The following BAZ2B variants were observed in gnomAD, a reference collection of about 807,000 sequenced individuals.
BAZ2B encodes the protein bromodomain adjacent to zinc finger domain protein 2B.
Under a neutral mutation model 246.0 loss-of-function variants are expected in BAZ2B, and 91 were observed. The ratio of observed to expected loss-of-function variants is 0.37; its 90% confidence interval spans 0.31 to 0.44. The LOEUF (loss-of-function observed/expected upper bound fraction) is 0.44. Among genes scored for constraint, BAZ2B ranks in the 20% least tolerant of loss-of-function variants. BAZ2B has a pLI of 1.00. For missense variants in BAZ2B, 2,332 were observed against 2,533.7 expected, an observed-to-expected ratio of 0.92 and a Z score of 1.71; for synonymous variants, 855 against 860.0, an observed-to-expected ratio of 0.99 and a Z score of 0.10.
At position 159,404,997 on chromosome 2, in the gene BAZ2B, T is replaced by C. The variant is rs1212021662; in HGVS notation, c.2770+25A>G. 5 of 1,612,568 alleles carry C rather than the reference T, an allele frequency of 3.1e-6. No individual in the cohort carries two copies. The African/African-American group carries it at 6.7e-5, about 22-fold the overall frequency. ...AATTCCCCAGTACTGACTCTTCGAG[T>C]TTATGTTACATTTAAATCACTCACC... On this transcript the variant is annotated intron_variant, in intron 15 of 36. Coordinates refer to ENST00000392783, the MANE Select transcript of BAZ2B (RefSeq NM_013450.4).
intron 11 of BAZ2B, 74 bp downstream of exon 11, chr2:159,429,126 G>T: frequency 1.0e-6 from 1 of 988,782 alleles, no homozygotes; most frequent in Non-Finnish European, 1.4e-6. Flanking sequence ...TGTAGAGAAT[G>T]AGAAATCAAG....
chr2:159,412,335 C>T lies in BAZ2B; in HGVS notation c.2677G>A (p.Glu893Lys). The T allele has an allele frequency of 6.2e-7, 1 of 1,613,728 alleles. No homozygotes were observed. Among genetic ancestry groups the T allele is most frequent in the Non-Finnish European group, 8.5e-7 (1 of 1,179,742 alleles). Residue 893 changes from glutamate (E) to lysine (K), a missense_variant and splice_region_variant, in exon 14 of 37, where the codon GAA becomes AAA. Transcript: ENST00000392783. The part of the protein sequence containing the change: ...AKLLRKLQAQ[E>K]IARQAAQIKL... ...GTGTCAGACACATTATGTTTCTTAC[C>T]TTGAGCTTGCAGTTTTCTTAGCAAC...
chr2:159,424,587 T>C (rs943693823), intron 13 of BAZ2B, among the ~76,000 whole-genome samples: 3 of 152,152 alleles, frequency 2.0e-5, no homozygotes, highest in Non-Finnish European at 4.4e-5. Context: ...TTTTGGGATA[T>C]GTTTTAAGAT....
At chr2:159,420,644 G>A (rs184897880) in intron 13 of BAZ2B, among the ~76,000 whole-genome samples, 6 of 152,046 alleles carry the variant, frequency 3.9e-5, no homozygotes, top group Admixed American at 3.3e-4. Flanking sequence ...AAAATAATAC[G>A]TTATTAACAA....
chr2:159,598,911 ACT>A (rs1691421964), intron 1 of BAZ2B, among the ~76,000 whole-genome samples: 3 of 151,756 alleles, frequency 2.0e-5, no homozygotes, highest in Non-Finnish European at 4.4e-5. Flanking sequence ...CAAGAGTGAA[ACT>A]CTGTCTCATA....
the BAZ2B span, among the ~76,000 whole-genome samples, chr2:159,654,939 T>C: frequency 1.3e-5 from 2 of 152,188 alleles, no homozygotes; most frequent in African/African-American, 2.4e-5. Flanking sequence ...TAAAATAGCA[T>C]ATATTCTGTA....
chr2:159,388,760 T>C (rs1165609419), intron 21 of BAZ2B, among the ~76,000 whole-genome samples: 2 of 152,090 alleles, frequency 1.3e-5, no homozygotes, highest in African/African-American at 4.8e-5. Flanking sequence ...TCCTCATTTA[T>C]TTAAATATCC....
chr2:159,556,627 A>T (rs1344678048), intron 1 of BAZ2B, among the ~76,000 whole-genome samples: 2 of 150,712 alleles, frequency 1.3e-5, no homozygotes, highest in Non-Finnish European at 2.9e-5. Context: ...CACCCAGCTA[A>T]CTTTTTGTAT....
intron 5 of BAZ2B, 101 bp from the exon 6 acceptor site, chr2:159,447,076 A>G (rs527521428): frequency 3.7e-6 from 3 of 802,404 alleles, no homozygotes; most frequent in South Asian, 2.9e-5. Flanking sequence ...TGAAAATATG[A>G]TAAGTGAAAG....
chr2:159,619,197 A>G (rs1389520030), upstream of BAZ2B, among the ~76,000 whole-genome samples: 1 of 152,016 alleles, frequency 6.6e-6, no homozygotes, highest in African/African-American at 2.4e-5. Context: ...AAAAATTTTT[A>G]TAAGAATATG....
chr2:159,670,133 G>A, the BAZ2B span, among the ~76,000 whole-genome samples: 1 of 151,986 alleles, frequency 6.6e-6, no homozygotes, highest in East Asian at 1.9e-4. Flanking sequence ...ACCATGCCTG[G>A]CTAATTTTTG....
At chr2:159,683,147 C>T in the BAZ2B span, among the ~76,000 whole-genome samples, 2 of 152,130 alleles carry the variant, frequency 1.3e-5, no homozygotes, top group African/African-American at 2.4e-5. Flanking sequence ...CACCAAGCAG[C>T]ATGTCTAATG....
the BAZ2B span, among the ~76,000 whole-genome samples, chr2:159,643,350 G>A: frequency 6.6e-6 from 1 of 152,086 alleles, no homozygotes. Flanking sequence ...ACATGGCATA[G>A]GGGGAAAGTG....
intron 1 of BAZ2B, among the ~76,000 whole-genome samples, chr2:159,603,606 TA>T (rs961623990): frequency 3.3e-5 from 5 of 150,606 alleles, no homozygotes; most frequent in Non-Finnish European, 5.9e-5. Flanking sequence ...TTCACCCTGT[TA>T]AAAAAAAATC....
chr2:159,480,802 A>C (rs1305260591), intron 2 of BAZ2B, among the ~76,000 whole-genome samples: 1 of 152,058 alleles, frequency 6.6e-6, no homozygotes, highest in Non-Finnish European at 1.5e-5. Context: ...GAAGGGGCTT[A>C]ACTTCTTAAA....
At chr2:159,675,681 T>TATC in the BAZ2B span, among the ~76,000 whole-genome samples, 1 of 152,240 alleles carries the variant, frequency 6.6e-6, no homozygotes, top group African/African-American at 2.4e-5. Flanking sequence ...TTTCCCCATA[T>TATC]ATCATCTCTT....
At chr2:159,342,823 T>G (rs1275558798) in intron 31 of BAZ2B, among the ~76,000 whole-genome samples, 1 of 152,162 alleles carries the variant, frequency 6.6e-6, no homozygotes, top group Non-Finnish European at 1.5e-5. Flanking sequence ...GAATCAATAT[T>G]GTTAAAATGA....
chr2:159,593,454 T>C (rs936654066), intron 1 of BAZ2B, among the ~76,000 whole-genome samples: 13 of 152,208 alleles, frequency 8.5e-5, no homozygotes, highest in African/African-American at 2.9e-4. Context: ...TCCTTTTTGT[T>C]TTGGGGGTTG....
At chr2:159,698,600 C>T in the BAZ2B span, among the ~76,000 whole-genome samples, 1 of 150,208 alleles carries the variant, frequency 6.7e-6, no homozygotes, top group Non-Finnish European at 1.5e-5. Context: ...GTATTGAAAA[C>T]TGCCTACTTT....
Sources: allele counts gnomAD v4.1 joint callset (sites outside exome capture counted in the v4.1 genomes callset), GRCh38; gene constraint gnomAD v4.1.1; transcripts MANE v1.5; gene names NCBI Gene and HGNC (gene_info 2026-07-23, HGNC 2026-07-21).